PARD3B: variants seen among roughly 807,000 people sequenced by gnomAD.
PARD3B encodes the protein par-3 family cell polarity regulator beta, also known as partitioning defective 3 homolog B.
Under a neutral mutation model 130.2 loss-of-function variants are expected in PARD3B, and 103 were observed. That is an observed-to-expected ratio of 0.79 (90% confidence interval 0.67 to 0.93). The LOEUF is 0.93. PARD3B is among the 40% of genes least tolerant of loss of function. The probability of loss-of-function intolerance (pLI) is 0.00; values close to 1 mark genes in which losing one functional copy is unlikely to be tolerated. For missense variants in PARD3B, 1,609 were observed against 1,499.2 expected, an observed-to-expected ratio of 1.07 and a Z score of -1.21; for synonymous variants, 583 against 553.2, an observed-to-expected ratio of 1.05 and a Z score of -0.76.
chr2:205,578,394 G>A lies in PARD3B; in HGVS notation c.3260+24991G>A, dbSNP rs139380792. Among the ~76,000 whole-genome samples, 13 of 152,254 alleles carry A rather than the reference G, an allele frequency of 8.5e-5. No individual in the cohort carries two copies. The East Asian group carries it at 1.3e-3, about 16-fold the overall frequency. On this transcript the variant is annotated intron_variant, in intron 22 of 22. Coordinates refer to ENST00000406610, the MANE Select transcript of PARD3B (RefSeq NM_001302769.2). ...AGATCCCCCCCAAAAAAGAAAGACC[G>A]TTCTCTTGCACATGTTTGTGACATT...
intron 20 of PARD3B, among the ~76,000 whole-genome samples, chr2:205,489,500 T>TATATATACGTCTATATACAC (rs1559141226): frequency 7.2e-6 from 1 of 139,404 alleles, no homozygotes; most frequent in Non-Finnish European, 1.5e-5. Context: ...TATGTGTGTA[T>TATATATACGTCTATATACAC]ATATATATAC....
rs768112923 is a variant in PARD3B at position 204,967,702 on chromosome 2, G to A, written c.394+2379G>A. On this transcript the variant is annotated intron_variant, in intron 3 of 22. Transcript: ENST00000406610. This position sits in a 1 kb window ranked among gnomAD's most constrained non-coding sequence, Gnocchi z 4.4. ...ATATTTGTCAGGTTTTTCAGATAGCGAAGTTAAAGAAGGAAGCAACACAGC... is the reference window on the plus strand; with the variant it reads ...ATATTTGTCAGGTTTTTCAGATAGCAAAGTTAAAGAAGGAAGCAACACAGC... Among the ~76,000 whole-genome samples, 10 of 152,220 alleles carry A rather than the reference G, an allele frequency of 6.6e-5. No homozygotes were observed. The highest frequency in any genetic ancestry group is 1.2e-4 in the Non-Finnish European group (8 of 68,040).
intron 15 of PARD3B, among the ~76,000 whole-genome samples, chr2:205,226,242 C>T (rs187059607): frequency 0.013 from 1,971 of 152,256 alleles, 19 homozygotes; most frequent in African/African-American, 0.024. Flanking sequence ...GAGGTTTCAT[C>T]GTGTTAGCCA....
chr2:205,475,620 C>T (rs2048997650), intron 20 of PARD3B, among the ~76,000 whole-genome samples: 1 of 152,110 alleles, frequency 6.6e-6, no homozygotes, highest in Non-Finnish European at 1.5e-5. Context: ...TTTTCTCCTC[C>T]CTGCAAATAC....
intron 10 of PARD3B, among the ~76,000 whole-genome samples, chr2:205,141,028 A>G (rs1216743640): frequency 6.6e-6 from 1 of 152,168 alleles, no homozygotes; most frequent in African/African-American, 2.4e-5. Flanking sequence ...ATCCACCGGG[A>G]TAACGGATGG....
Position 205,473,675 on chromosome 2 carries a change from TGTG to T in PARD3B, c.3045-26220_3045-26218del, listed in dbSNP as rs1419084192. On this transcript the variant is annotated intron_variant, in intron 20 of 22. Coordinates refer to ENST00000406610, the MANE Select transcript of PARD3B (RefSeq NM_001302769.2). The surrounding 1 kb of genome is among the most constrained non-coding windows in gnomAD (Gnocchi z 4.9). ...ATATATGTGTGTGTGTGTGTGTGTG[TGTG>T]TGTATGTATATATATATATATATAT... Among the ~76,000 whole-genome samples, 21 of 96,722 alleles carry T rather than the reference TGTG, an allele frequency of 2.2e-4. No individual in the cohort carries two copies. Among genetic ancestry groups the T allele is most frequent in the Admixed American group, 5.3e-4 (5 of 9,466 alleles). The allele number at this position is 96,722 out of a possible 152,430, so 63.5% of individuals were successfully genotyped here. A position where few individuals can be genotyped will look rare whatever the true frequency, so the allele number is the denominator to read the frequency against.
At chr2:205,512,143 C>T (rs955466174) in intron 21 of PARD3B, among the ~76,000 whole-genome samples, 11 of 152,104 alleles carry the variant, frequency 7.2e-5, no homozygotes, top group African/African-American at 2.7e-4. Context: ...CTTTTGAATA[C>T]GATTGTAACG....
intron 2 of PARD3B, among the ~76,000 whole-genome samples, chr2:204,744,361 C>T (rs1334335679): frequency 6.6e-6 from 1 of 152,106 alleles, no homozygotes; most frequent in Non-Finnish European, 1.5e-5. Context: ...CCAAAGCAAA[C>T]AAAACCCAAA....
rs1452836800 is a variant in PARD3B at position 204,689,208 on chromosome 2, T to G, written c.222+2926T>G. Among the ~76,000 whole-genome samples the G allele has an allele frequency of 6.6e-6, 1 of 152,196 alleles. No homozygotes were observed. The highest frequency in any genetic ancestry group is 1.5e-5 in the Non-Finnish European group (1 of 68,028). On this transcript the variant is annotated intron_variant, in intron 2 of 22. Transcript: ENST00000406610. The surrounding 1 kb of genome is among the most constrained non-coding windows in gnomAD (Gnocchi z 5.2). ...TTTTAAAACTTGTGCCTAAAGTGGT[T>G]TGTCTGTGGTCTTACTTCTATTATT...
rs754279646 is a variant in PARD3B, at chr2:204,931,393, G to A, written c.223-33759G>A. Among the ~76,000 whole-genome samples the A allele has an allele frequency of 7.2e-5, 11 of 152,022 alleles. No individual in the cohort carries two copies. In the South Asian group the frequency reaches 1.2e-3, roughly 17 times the overall value. On this transcript the variant is annotated intron_variant, in intron 2 of 22. Transcript: ENST00000406610. The stretch of plus-strand genomic sequence containing the variant: ...TATGAAAAGTACTCAATAAATGTTA[G>A]CATATCAACTTTCTTATCAATTTAT...
intron 14 of PARD3B, among the ~76,000 whole-genome samples, chr2:205,188,607 T>C (rs2036222163): frequency 6.6e-6 from 1 of 151,996 alleles, no homozygotes; most frequent in Non-Finnish European, 1.5e-5. Context: ...GAACAAGTCT[T>C]AAGCCTTGAA....
chr2:204,779,773 A>G lies in PARD3B; in HGVS notation c.222+93491A>G, dbSNP rs2041774050. Among the ~76,000 whole-genome samples the G allele has an allele frequency of 2.0e-5, 3 of 152,318 alleles. No individual in the cohort carries two copies. The South Asian group carries it at 6.2e-4, about 32-fold the overall frequency. ...AGGTCCCACTCCAACACCTGGGCTC[A>G]GACACTTGCCTATTGAAACTAGAAA... On this transcript the variant is annotated intron_variant, in intron 2 of 22. Transcript: ENST00000406610.
At chr2:204,812,364 G>A (rs569410749) in intron 2 of PARD3B, among the ~76,000 whole-genome samples, 1 of 152,156 alleles carries the variant, frequency 6.6e-6, no homozygotes, top group African/African-American at 2.4e-5. Context: ...ACAGAGTGAG[G>A]CAGGTTTTAG....
chr2:204,907,978 G>A lies in PARD3B; in HGVS notation c.223-57174G>A, dbSNP rs1398200320. Among the ~76,000 whole-genome samples, 12 of 151,994 alleles carry A rather than the reference G, an allele frequency of 7.9e-5. No homozygotes were observed. Among genetic ancestry groups the A allele is most frequent in the South Asian group, 2.1e-4 (1 of 4,824 alleles). ...CAGCCTCCCAAAGTGCTGGAATTGC[G>A]GGCATGAGCCACCGCACCCAGCCTA... On this transcript the variant is annotated intron_variant, in intron 2 of 22. Transcript: ENST00000406610. The surrounding 1 kb of genome is among the most constrained non-coding windows in gnomAD (Gnocchi z 5.7).
At chr2:205,195,613 T>C (rs2036639722) in intron 15 of PARD3B, among the ~76,000 whole-genome samples, 1 of 152,208 alleles carries the variant, frequency 6.6e-6, no homozygotes, top group East Asian at 1.9e-4. Flanking sequence ...ACTATTCGTT[T>C]TCCATTTATA....
chr2:204,656,062 T>C (rs553442053), intron 1 of PARD3B, among the ~76,000 whole-genome samples: 1 of 151,996 alleles, frequency 6.6e-6, no homozygotes, highest in South Asian at 2.1e-4. Context: ...GCAGAAGTGC[T>C]CAAGGCTTTT....
At chr2:205,033,971 T>G (rs1048728913) in intron 3 of PARD3B, among the ~76,000 whole-genome samples, 1 of 152,152 alleles carries the variant, frequency 6.6e-6, no homozygotes, top group African/African-American at 2.4e-5. Context: ...CATTTACCAT[T>G]AAGTTGCAAG....
chr2:204,551,674 G>A (rs538768931), intron 1 of PARD3B, among the ~76,000 whole-genome samples: 1 of 152,268 alleles, frequency 6.6e-6, no homozygotes, highest in South Asian at 2.1e-4. Context: ...CCCTGTGCGC[G>A]ATTGGGAGCC....
chr2:204,816,837 C>G (rs923996629), intron 2 of PARD3B, among the ~76,000 whole-genome samples: 1 of 151,864 alleles, frequency 6.6e-6, no homozygotes, highest in Non-Finnish European at 1.5e-5. Context: ...TTTCTCTTCC[C>G]CCTCTCTTTT....
Sources: allele counts gnomAD v4.1 joint callset (sites outside exome capture counted in the v4.1 genomes callset), GRCh38; gene constraint gnomAD v4.1.1; non-coding constraint Gnocchi (gnomAD v3.1); transcripts MANE v1.5; gene names NCBI Gene and HGNC (gene_info 2026-07-23, HGNC 2026-07-21).